CCDC63: variants seen among roughly 807,000 people sequenced by gnomAD.
CCDC63 encodes coiled-coil domain-containing protein 63.
In CCDC63, 54 loss-of-function variants were observed where a neutral mutation model predicts 63.6. That is an observed-to-expected ratio of 0.85 (90% confidence interval 0.68 to 1.07). The LOEUF (loss-of-function observed/expected upper bound fraction) is 1.07. Ranked by LOEUF, CCDC63 falls within the 50% of genes least tolerant of loss-of-function variation. The probability of loss-of-function intolerance (pLI) is 0.00; values close to 1 mark genes in which losing one functional copy is unlikely to be tolerated. For missense variants in CCDC63, 637 were observed against 689.6 expected (o/e 0.92, Z 0.86); for synonymous variants, 253 against 266.1 (o/e 0.95, Z 0.48).
At chr12:110,877,480 A>G (rs928365460) in intron 5 of CCDC63, among the ~76,000 whole-genome samples, 1 of 151,928 alleles carries the variant, frequency 6.6e-6, no homozygotes, top group Admixed American at 6.6e-5. Flanking sequence ...GGCCTCCCGA[A>G]GTGTTGTGAT....
At chr12:110,850,848 G>A (rs140323707) in intron 1 of CCDC63, among the ~76,000 whole-genome samples, 8 of 152,236 alleles carry the variant, frequency 5.3e-5, no homozygotes, top group South Asian at 4.1e-4. Context: ...AGCGCAAATC[G>A]TTTTCTGAAC....
upstream of CCDC63, among the ~76,000 whole-genome samples, chr12:110,846,498 T>C (rs2136630241): frequency 6.6e-6 from 1 of 152,288 alleles, no homozygotes; most frequent in Non-Finnish European, 1.5e-5. Context: ...GAAGTTATTT[T>C]TCTCATGAAA....
intron 4 of CCDC63, among the ~76,000 whole-genome samples, chr12:110,868,980 T>C (rs2071026399): frequency 6.6e-6 from 1 of 152,178 alleles, no homozygotes; most frequent in African/African-American, 2.4e-5. Context: ...TGCCCACTTT[T>C]TGCAGCCCAC....
At chr12:110,873,724 C>G in intron 4 of CCDC63, 118 bp from the exon 5 acceptor site, 1 of 1,282,360 alleles carries the variant, frequency 7.8e-7, no homozygotes, top group Non-Finnish European at 1.1e-6. Flanking sequence ...AGTTAGTGAA[C>G]TGTAGAGCTG....
rs187712041 is a variant in CCDC63 at position 110,889,977 on chromosome 12, C to T, written c.1075-3099C>T. 9.4e-4 allele frequency among the ~76,000 whole-genome samples: 143 copies of T among 152,064 alleles called. 1 individual carries two copies. The highest frequency in any genetic ancestry group is 1.4e-3 in the Non-Finnish European group (96 of 67,998). On this transcript the variant is annotated intron_variant, in intron 8 of 11. Coordinates refer to ENST00000308208, the MANE Select transcript of CCDC63 (RefSeq NM_152591.3). The surrounding 1 kb of genome is among the most constrained non-coding windows in gnomAD (Gnocchi z 4.1). ...CCAAATCAGGAATAATTCCATCACACGGACATAGCATTGTTTCATCTTTTT... is the reference window on the plus strand; with the variant it reads ...CCAAATCAGGAATAATTCCATCACATGGACATAGCATTGTTTCATCTTTTT...
chr12:110,857,588 C>T (rs910537987), intron 3 of CCDC63, among the ~76,000 whole-genome samples: 10 of 152,166 alleles, frequency 6.6e-5, no homozygotes, highest in Non-Finnish European at 7.3e-5. Context: ...GCTACTGATC[C>T]GCAAACCACA....
chr12:110,904,859 G>A (rs568942097), intron 11 of CCDC63, 68 bp downstream of exon 11: 25 of 1,290,400 alleles, frequency 1.9e-5, no homozygotes, highest in South Asian at 2.9e-5. Context: ...TGGGGAGACC[G>A]TGTCCAGGTG....
chr12:110,861,791 C>T (rs1440583609), intron 4 of CCDC63, among the ~76,000 whole-genome samples: 3 of 149,610 alleles, frequency 2.0e-5, no homozygotes, highest in Admixed American at 6.7e-5. Flanking sequence ...AGGCTGGTCT[C>T]GAGCTCCTGA....
At chr12:110,853,204 CAAGT>C (rs986428115) in intron 2 of CCDC63, among the ~76,000 whole-genome samples, 197 bp from the exon 3 acceptor site, 1 of 152,044 alleles carries the variant, frequency 6.6e-6, no homozygotes, top group African/African-American at 2.4e-5. Flanking sequence ...TATGCAATTA[CAAGT>C]CAGTCATCTC....
At position 110,877,704 on chromosome 12, in the gene CCDC63, C is replaced by CTTTTTTTTTT. The variant is rs869085659; in HGVS notation, c.490-2199_490-2198insTTTTTTTTTT. On this transcript the variant is annotated intron_variant, in intron 5 of 11. Transcript: ENST00000308208. The stretch of plus-strand genomic sequence containing the variant: ...TATCTCTGTATATTTGACTTTCTTT[C>CTTTTTTTTTT]TTTCTTTTTTTTTTTTTTTGAGACT... 1.4e-5 allele frequency among the ~76,000 whole-genome samples: 2 copies of CTTTTTTTTTT among 142,906 alleles called. 1 individual carries two copies. 93.8% of individuals were successfully genotyped at this position (142,906 alleles called of 152,430 possible).
intron 8 of CCDC63, among the ~76,000 whole-genome samples, chr12:110,885,687 T>C (rs1435708594): frequency 6.6e-6 from 1 of 152,172 alleles, no homozygotes; most frequent in African/African-American, 2.4e-5. Flanking sequence ...CCTGCACAAA[T>C]GTCGCCTCCT....
chr12:110,865,464 CAAAAAAA>C (rs10585238), intron 4 of CCDC63, among the ~76,000 whole-genome samples: 22 of 102,340 alleles, frequency 2.1e-4, no homozygotes, highest in East Asian at 9.8e-4. Flanking sequence ...CAGCATATAC[CAAAAAAA>C]AAAAAAAAAA....
At chr12:110,893,050 T>C in intron 8 of CCDC63, 26 bp from the exon 9 acceptor site, 1 of 1,608,352 alleles carries the variant, frequency 6.2e-7, no homozygotes. Flanking sequence ...CCACTTTTCC[T>C]CATGGTCTTG....
intron 6 of CCDC63, 83 bp from the exon 7 acceptor site, chr12:110,881,032 A>G (rs1393376935): frequency 1.1e-5 from 14 of 1,254,884 alleles, no homozygotes; most frequent in Non-Finnish European, 1.4e-5. Context: ...TTCTCTAGGC[A>G]GGAAGGCCTT....
upstream of CCDC63, chr12:110,845,505 C>T (rs1176170325): frequency 6.6e-6 from 1 of 152,214 alleles, no homozygotes; most frequent in East Asian, 1.9e-4. Flanking sequence ...ATCCAAAACA[C>T]TTCATATGAA....
intron 8 of CCDC63, 116 bp downstream of exon 8, chr12:110,884,366 C>A: frequency 4.2e-6 from 3 of 716,298 alleles, no homozygotes; most frequent in East Asian, 2.7e-5. Flanking sequence ...TTGGCCAACA[C>A]CGCTCTATTC....
chr12:110,868,723 G>A, intron 4 of CCDC63, among the ~76,000 whole-genome samples: 1 of 128,392 alleles, frequency 7.8e-6, no homozygotes, highest in Non-Finnish European at 1.7e-5. Context: ...GAGAGGGAGA[G>A]GGAGAGGGAG....
chr12:110,866,716 T>C (rs2070954545), intron 4 of CCDC63, among the ~76,000 whole-genome samples: 1 of 149,932 alleles, frequency 6.7e-6, no homozygotes, highest in African/African-American at 2.5e-5. Flanking sequence ...CCATGTCTAC[T>C]TCTTTCTACA....
At chr12:110,885,591 T>C (rs12099913) in intron 8 of CCDC63, among the ~76,000 whole-genome samples, 1 of 152,004 alleles carries the variant, frequency 6.6e-6, no homozygotes, top group African/African-American at 2.4e-5. Context: ...GTCCCATGCA[T>C]TTCCCTCCGC....
Sources: allele counts gnomAD v4.1 joint callset (sites outside exome capture counted in the v4.1 genomes callset), GRCh38; gene constraint gnomAD v4.1.1; non-coding constraint Gnocchi (gnomAD v3.1); transcripts MANE v1.5; gene names NCBI Gene and HGNC (gene_info 2026-07-23, HGNC 2026-07-21).